PID1: variants seen among roughly 807,000 people sequenced by gnomAD.
The protein encoded by PID1 is PTB-containing, cubilin and LRP1-interacting protein.
In PID1, 10 loss-of-function variants were observed where a neutral mutation model predicts 19.1. That is an observed-to-expected ratio of 0.52 (90% CI 0.32 to 0.89). The LOEUF (loss-of-function observed/expected upper bound fraction) is 0.89. Ranked by LOEUF, PID1 falls within the 40% of genes least tolerant of loss-of-function variation. PID1 has a pLI of 0.03. For missense variants in PID1, 248 were observed against 285.3 expected (o/e 0.87, Z 0.94); for synonymous variants, 130 against 116.0 (o/e 1.12, Z -0.78).
Position 229,024,705 on chromosome 2 carries a change from A to T in PID1, c.*927T>A, listed in dbSNP as rs1462334450. On this transcript the variant is annotated 3_prime_UTR_variant, in exon 3 of 3. Coordinates refer to ENST00000392055, the MANE Select transcript of PID1 (RefSeq NM_001100818.2). ...GACAGGACCATTAATTAAATAAGTT[A>T]CCATAAATCTCAGCTGGATAAAAGG... is the stretch of plus-strand genomic sequence containing the variant. 2 of 152,622 alleles carry T rather than the reference A, an allele frequency of 1.3e-5. No homozygotes were observed. The highest frequency in any genetic ancestry group is 1.3e-4 in the Admixed American group (2 of 15,282). 9.5% of individuals were successfully genotyped at this position (152,622 alleles called of 1,614,324 possible).
At chr2:229,163,175 G>C (rs995993044) in intron 1 of PID1, among the ~76,000 whole-genome samples, 1 of 151,952 alleles carries the variant, frequency 6.6e-6, no homozygotes, top group African/African-American at 2.4e-5. Flanking sequence ...ATGCAAAATA[G>C]GTCAAATAAT....
chr2:229,192,505 T>C (rs1007026253), intron 1 of PID1, among the ~76,000 whole-genome samples: 5 of 152,202 alleles, frequency 3.3e-5, no homozygotes, highest in African/African-American at 1.2e-4. Flanking sequence ...AAAAAGAAAT[T>C]ATTATTGAGC....
intron 2 of PID1, among the ~76,000 whole-genome samples, chr2:229,137,893 C>T (rs1211452344): frequency 6.6e-6 from 1 of 152,176 alleles, no homozygotes; most frequent in Non-Finnish European, 1.5e-5. Context: ...GGAATATTCA[C>T]AAGAGAGACT....
At chr2:229,257,092 G>GC (rs1448633997) in intron 1 of PID1, among the ~76,000 whole-genome samples, 2 of 152,102 alleles carry the variant, frequency 1.3e-5, no homozygotes, top group Admixed American at 1.3e-4. Flanking sequence ...CACCCCTGTG[G>GC]CTTTAGATCT....
At chr2:229,142,505 T>C (rs1436181526) in intron 2 of PID1, among the ~76,000 whole-genome samples, 1 of 152,166 alleles carries the variant, frequency 6.6e-6, no homozygotes, top group East Asian at 1.9e-4. Context: ...AACCAAGATA[T>C]GGCAGTTTTA....
At chr2:229,099,685 T>C (rs1695037990) in intron 2 of PID1, among the ~76,000 whole-genome samples, 1 of 152,078 alleles carries the variant, frequency 6.6e-6, no homozygotes, top group African/African-American at 2.4e-5. Context: ...AAATTAGGAT[T>C]TTCTCCCTAG....
chr2:229,192,174 C>A (rs1041055803), intron 1 of PID1, among the ~76,000 whole-genome samples: 1 of 152,180 alleles, frequency 6.6e-6, no homozygotes, highest in Admixed American at 6.5e-5. Context: ...GGAAGACTAG[C>A]TCTTTCAATA....
chr2:229,130,950 C>T (rs1689726050), intron 2 of PID1, among the ~76,000 whole-genome samples: 1 of 152,230 alleles, frequency 6.6e-6, no homozygotes, highest in South Asian at 2.1e-4. Context: ...CCAATCTTCA[C>T]ATGATGGCAT....
chr2:229,109,371 G>C (rs1695247745), intron 2 of PID1, among the ~76,000 whole-genome samples: 1 of 152,182 alleles, frequency 6.6e-6, no homozygotes, highest in Non-Finnish European at 1.5e-5. Context: ...AAATGTTCTA[G>C]GCAATTAGGG....
At chr2:229,105,858 T>C (rs1695167007) in intron 2 of PID1, among the ~76,000 whole-genome samples, 1 of 152,046 alleles carries the variant, frequency 6.6e-6, no homozygotes, top group African/African-American at 2.4e-5. Flanking sequence ...GGCAGGCACA[T>C]CATGAGGTCA....
rs1046761315 is a variant in PID1, at chr2:229,270,953, G to A, written c.30+61C>T. 53 of 1,454,338 alleles carry A rather than the reference G, an allele frequency of 3.6e-5. No individual in the cohort carries two copies. In the South Asian group the frequency reaches 5.9e-4, roughly 16 times the overall value. The allele number at this position is 1,454,338 out of a possible 1,614,324, so 90.1% of individuals were successfully genotyped here. A position where few individuals can be genotyped will look rare whatever the true frequency, so the allele number is the denominator to read the frequency against. ...CTAAAGTAGGCAGAAGCAAAAACTA[G>A]GTTCCTCTGCCCGGGCACCTCCTCC... On this transcript the variant is annotated intron_variant, in intron 1 of 2. Transcript: ENST00000392055.
At chr2:229,095,522 A>T (rs1694956671) in intron 2 of PID1, among the ~76,000 whole-genome samples, 1 of 152,218 alleles carries the variant, frequency 6.6e-6, no homozygotes, top group Non-Finnish European at 1.5e-5. Context: ...TCCAATTACC[A>T]TTCCATTATT....
At chr2:229,113,640 G>C (rs1338764359) in intron 2 of PID1, among the ~76,000 whole-genome samples, 1 of 141,196 alleles carries the variant, frequency 7.1e-6, no homozygotes, top group African/African-American at 2.6e-5. Context: ...ATTTACAGAT[G>C]GGAAGACTGA....
intron 1 of PID1, among the ~76,000 whole-genome samples, chr2:229,222,310 T>C (rs1691987812): frequency 1.3e-5 from 2 of 152,192 alleles, no homozygotes; most frequent in Admixed American, 6.5e-5. Context: ...CATCCTGTTA[T>C]GGTCACTATT....
intron 2 of PID1, among the ~76,000 whole-genome samples, chr2:229,136,851 A>G (rs1046769554): frequency 2.0e-5 from 3 of 152,152 alleles, no homozygotes; most frequent in East Asian, 3.9e-4. Flanking sequence ...ACTGATGGAG[A>G]ACACTAAGTA....
At chr2:229,212,568 G>C (rs977529234) in intron 1 of PID1, among the ~76,000 whole-genome samples, 2 of 152,146 alleles carry the variant, frequency 1.3e-5, no homozygotes, top group South Asian at 4.1e-4. Context: ...TTATTTCCAT[G>C]TTAAGGTATC....
At chr2:229,236,178 C>T (rs1030961032) in intron 1 of PID1, among the ~76,000 whole-genome samples, 6 of 151,826 alleles carry the variant, frequency 4.0e-5, no homozygotes, top group Non-Finnish European at 8.8e-5. Context: ...AACATGTTAC[C>T]TTTAGACAGT....
chr2:229,240,483 G>A (rs1184756496), intron 1 of PID1, among the ~76,000 whole-genome samples: 1 of 152,126 alleles, frequency 6.6e-6, no homozygotes, highest in Non-Finnish European at 1.5e-5. Context: ...CCTGGATATA[G>A]AGTTCTGGGT....
intron 1 of PID1, among the ~76,000 whole-genome samples, chr2:229,218,952 C>T (rs576533937): frequency 9.7e-4 from 147 of 152,280 alleles, no homozygotes; most frequent in Middle Eastern, 3.4e-3. Flanking sequence ...TCATCCTCAA[C>T]TAAATTCTCA....
Sources: gnomAD v4.1 joint callset for allele counts (sites outside exome capture counted in the v4.1 genomes callset) on GRCh38, gnomAD v4.1.1 for gene constraint, MANE v1.5 for transcripts, NCBI Gene and HGNC (gene_info 2026-07-23, HGNC 2026-07-21) for gene names.